ZFYVE9: variants seen among roughly 807,000 people sequenced by gnomAD.
The protein encoded by ZFYVE9 is zinc finger FYVE-type containing 9.
A neutral mutation model predicts 126.7 loss-of-function variants in ZFYVE9; 43 were observed. That is an observed-to-expected ratio of 0.34 (90% confidence interval 0.27 to 0.44). The LOEUF (loss-of-function observed/expected upper bound fraction) is 0.44. Among genes scored for constraint, ZFYVE9 ranks in the 20% least tolerant of loss-of-function variants. The probability of loss-of-function intolerance (pLI) is 1.00; values close to 1 mark genes in which losing one functional copy is unlikely to be tolerated. For missense variants in ZFYVE9, 1,476 were observed against 1,697.0 expected (o/e 0.87, Z 2.29); for synonymous variants, 521 against 597.4 (o/e 0.87, Z 1.87).
intron 2 of ZFYVE9, among the ~76,000 whole-genome samples, chr1:52,223,948 A>T (rs900346140): frequency 6.6e-6 from 1 of 152,186 alleles, no homozygotes; most frequent in African/African-American, 2.4e-5. Flanking sequence ...ATTCAGCCCA[A>T]GTGTACAGTT....
At chr1:52,216,897 A>G (rs1265441243) in intron 2 of ZFYVE9, among the ~76,000 whole-genome samples, 1 of 152,168 alleles carries the variant, frequency 6.6e-6, no homozygotes, top group Non-Finnish European at 1.5e-5. Context: ...GTAGAGCAAT[A>G]ATTTCCAGCA....
intron 7 of ZFYVE9, among the ~76,000 whole-genome samples, chr1:52,272,162 G>A (rs982976968): frequency 3.3e-5 from 5 of 152,192 alleles, no homozygotes; most frequent in African/African-American, 1.2e-4. Context: ...TAGTTTTAAT[G>A]TTTGTTCAGG....
intron 1 of ZFYVE9, among the ~76,000 whole-genome samples, chr1:52,192,692 A>G (rs929382785): frequency 6.6e-6 from 1 of 152,090 alleles, no homozygotes; most frequent in Non-Finnish European, 1.5e-5. Context: ...CAGGATATGT[A>G]AAGACTCTGA....
chr1:52,195,806 C>G (rs982463084), intron 1 of ZFYVE9, among the ~76,000 whole-genome samples: 1 of 149,658 alleles, frequency 6.7e-6, no homozygotes, highest in African/African-American at 2.5e-5. Context: ...TTTTTTTTTC[C>G]CTCCAAGGCA....
chr1:52,195,643 T>C (rs190240326), intron 1 of ZFYVE9, among the ~76,000 whole-genome samples: 102 of 148,050 alleles, frequency 6.9e-4, no homozygotes, highest in Admixed American at 2.7e-3. Context: ...ATAAATATTA[T>C]TATTCCCTCT....
chr1:52,162,619 G>A (rs953967097), intron 1 of ZFYVE9: 3 of 256,896 alleles, frequency 1.2e-5, no homozygotes, highest in East Asian at 1.9e-4. Flanking sequence ...CATACTTCAC[G>A]AAGATCTCTG....
chr1:52,198,126 T>TTG (rs1168008445), intron 1 of ZFYVE9, among the ~76,000 whole-genome samples: 1,628 of 128,220 alleles, frequency 0.013, 98 homozygotes, highest in Non-Finnish European at 0.019. Context: ...TTTTGTTTGT[T>TTG]TTTTTTTTTT....
chr1:52,153,440 T>C (rs1644375031), intron 1 of ZFYVE9, among the ~76,000 whole-genome samples: 1 of 152,216 alleles, frequency 6.6e-6, no homozygotes, highest in African/African-American at 2.4e-5. Context: ...GTTTACCTAG[T>C]GGTTTGACCC....
At chr1:52,298,538 G>A (rs1645999623) in intron 12 of ZFYVE9, among the ~76,000 whole-genome samples, 1 of 151,990 alleles carries the variant, frequency 6.6e-6, no homozygotes, top group Admixed American at 6.6e-5. Flanking sequence ...TGCTGTTTTG[G>A]TTATTATAGT....
At chr1:52,180,538 A>T (rs1644688459) in intron 1 of ZFYVE9, 1 of 689,116 alleles carries the variant, frequency 1.5e-6, no homozygotes, top group African/African-American at 1.8e-5. Flanking sequence ...AGGGACAGTG[A>T]TTCTGAGGGT....
chr1:52,237,891 T>C lies in ZFYVE9; in HGVS notation c.474T>C (p.Asp158=). 5.0e-6 allele frequency: 8 copies of C among 1,614,044 alleles called. No homozygotes were observed. The highest frequency in any genetic ancestry group is 6.8e-6 in the Non-Finnish European group (8 of 1,179,960). The change falls in exon 4 of 19, where the codon GAT becomes GAC. Residue 158 remains aspartate (D), a synonymous_variant. Coordinates refer to ENST00000287727, the MANE Select transcript of ZFYVE9 (RefSeq NM_004799.4). ...TTGTAGCCGTCATGCATAACTGTGA[T>C]AAAAGGACATTACAAAACGATTTAC... ...VLVVAVMHNC[D]KRTLQNDLQD...
chr1:52,223,065 G>A (rs11485584), intron 2 of ZFYVE9, among the ~76,000 whole-genome samples: 5,505 of 152,042 alleles, frequency 0.036, 252 homozygotes, highest in African/African-American at 0.11. Flanking sequence ...CTCCTGAATC[G>A]ACTAAGAAAG....
intron 1 of ZFYVE9, among the ~76,000 whole-genome samples, chr1:52,210,915 A>C (rs907476620): frequency 5.9e-5 from 9 of 152,212 alleles, no homozygotes; most frequent in Admixed American, 5.9e-4. Flanking sequence ...TTGGCCTCCC[A>C]AAGTGCTGGG....
At chr1:52,211,939 T>C (rs1488782647) in intron 1 of ZFYVE9, among the ~76,000 whole-genome samples, 4 of 152,188 alleles carry the variant, frequency 2.6e-5, no homozygotes, top group Admixed American at 6.5e-5. Context: ...ATCATCTTTA[T>C]ACCTGTGACC....
In ZFYVE9 at chr1:52,322,826, A is replaced by G. The variant is rs767557983; in HGVS notation, c.3439-9942A>G. On this transcript the variant is annotated intron_variant, in intron 13 of 18. Transcript: ENST00000287727. ...TGATCTCTTTTTTTCTTTTTTGGAG[A>G]CAGAGTCTCGCTCTATCGCCCAGGC... Among the ~76,000 whole-genome samples, 10 of 151,386 alleles carry G rather than the reference A, an allele frequency of 6.6e-5. 1 individual carries two copies. Among genetic ancestry groups the G allele is most frequent in the Non-Finnish European group, 1.0e-4 (7 of 67,898 alleles).
chr1:52,299,141 A>T (rs1214376478), intron 12 of ZFYVE9, among the ~76,000 whole-genome samples: 2 of 152,046 alleles, frequency 1.3e-5, no homozygotes, highest in East Asian at 3.9e-4. Context: ...CTTTGTAAAG[A>T]TCTTTTACCT....
At chr1:52,208,641 C>G (rs943921041) in intron 1 of ZFYVE9, among the ~76,000 whole-genome samples, 2 of 151,974 alleles carry the variant, frequency 1.3e-5, no homozygotes, top group Non-Finnish European at 2.9e-5. Flanking sequence ...TCAGGTGATT[C>G]TCCTGCCTTA....
At chr1:52,151,471 T>G (rs1644355657) in intron 1 of ZFYVE9, among the ~76,000 whole-genome samples, 2 of 152,042 alleles carry the variant, frequency 1.3e-5, no homozygotes, top group Admixed American at 1.3e-4. Flanking sequence ...TCTTTTTTCA[T>G]CCTGTGAATC....
At chr1:52,244,084 A>G (rs939687568) in intron 4 of ZFYVE9, among the ~76,000 whole-genome samples, 4 of 152,242 alleles carry the variant, frequency 2.6e-5, no homozygotes, top group Non-Finnish European at 2.9e-5. Context: ...GGACTTGGCT[A>G]TAACAGGGTC....
Sources: allele counts gnomAD v4.1 joint callset (sites outside exome capture counted in the v4.1 genomes callset), GRCh38; gene constraint gnomAD v4.1.1; transcripts MANE v1.5; gene names NCBI Gene and HGNC (gene_info 2026-07-23, HGNC 2026-07-21).